NTM: variants seen among roughly 807,000 people sequenced by gnomAD.
The protein encoded by NTM is IgLON family member 2.
In NTM, 13 loss-of-function variants were observed where a neutral mutation model predicts 42.1. The observed-to-expected ratio is 0.31, with a 90% confidence interval of 0.20 to 0.49. NTM has a LOEUF of 0.49. Ranked by LOEUF, NTM falls within the 20% of genes least tolerant of loss-of-function variation. The probability of loss-of-function intolerance (pLI) is 0.99; values close to 1 mark genes in which losing one functional copy is unlikely to be tolerated. For synonymous variants in NTM, 187 were observed against 179.2 expected (o/e 1.04, Z -0.35); for missense variants, 373 against 452.8 (o/e 0.82, Z 1.60).
chr11:131,942,610 A>G (rs1444666255), intron 2 of NTM, among the ~76,000 whole-genome samples: 3 of 152,142 alleles, frequency 2.0e-5, no homozygotes, highest in African/African-American at 7.2e-5. Flanking sequence ...ATCCAGGAAG[A>G]TGATGCAGAA....
intron 1 of NTM, among the ~76,000 whole-genome samples, chr11:131,822,669 T>C (rs2093240646): frequency 6.6e-6 from 1 of 152,180 alleles, no homozygotes; most frequent in Admixed American, 6.5e-5. Context: ...ATGTAATGTG[T>C]TACTTTCGTG....
At chr11:131,928,824 C>T (rs2134058904) in intron 2 of NTM, among the ~76,000 whole-genome samples, 1 of 152,348 alleles carries the variant, frequency 6.6e-6, no homozygotes, top group South Asian at 2.1e-4. Flanking sequence ...CTTGCTTAGC[C>T]TGGTTGCATT....
rs1431963752 is a variant in NTM, at chr11:132,212,207, G to T, written c.526+60G>T. 5 of 1,473,604 alleles carry T rather than the reference G, an allele frequency of 3.4e-6. No homozygotes were observed. The African/African-American group carries it at 5.6e-5, about 17-fold the overall frequency. 91.3% of individuals were successfully genotyped at this position (1,473,604 alleles called of 1,614,324 possible). A position where few individuals can be genotyped will look rare whatever the true frequency, so the allele number is the denominator to read the frequency against. ...ATAAATGGGGGAATTTTGGGCCTTTGGTAGGAGGTTATGGGTGCTGATACC... is the reference window on the plus strand; with the variant it reads ...ATAAATGGGGGAATTTTGGGCCTTTTGTAGGAGGTTATGGGTGCTGATACC... On this transcript the variant is annotated intron_variant, in intron 4 of 8. Coordinates refer to ENST00000683400, the MANE Select transcript of NTM (RefSeq NM_001352005.2).
rs895063007 is a variant in NTM, at chr11:132,196,332, G to A, written c.401-15690G>A. Among the ~76,000 whole-genome samples the A allele has an allele frequency of 6.6e-5, 10 of 152,094 alleles. No individual in the cohort carries two copies. The East Asian group carries it at 1.2e-3, about 18-fold the overall frequency. On this transcript the variant is annotated intron_variant, in intron 3 of 8. Transcript: ENST00000683400. ...CAAAATTGTAGAGAAAAGGGAACAG[G>A]TTTACTCTGTTTGTTGGAATGTAAA...
chr11:132,079,680 C>T (rs1254066591), intron 2 of NTM, among the ~76,000 whole-genome samples: 2 of 152,308 alleles, frequency 1.3e-5, no homozygotes, highest in East Asian at 3.9e-4. Context: ...TTCTTGATGA[C>T]AATTGTGAAC....
chr11:131,756,816 C>T (rs759510918), intron 1 of NTM, among the ~76,000 whole-genome samples: 4 of 152,272 alleles, frequency 2.6e-5, no homozygotes, highest in Admixed American at 6.5e-5. Flanking sequence ...AACACATAGT[C>T]CTAGGGTACT....
At chr11:131,433,123 C>A (rs1382213257) in intron 1 of NTM, among the ~76,000 whole-genome samples, 1 of 152,086 alleles carries the variant, frequency 6.6e-6, no homozygotes, top group Non-Finnish European at 1.5e-5. Context: ...TCCCAAAGTG[C>A]TGGGATTACA....
intron 2 of NTM, among the ~76,000 whole-genome samples, chr11:132,021,093 G>T (rs2074264125): frequency 6.6e-6 from 1 of 151,782 alleles, no homozygotes; most frequent in Non-Finnish European, 1.5e-5. Flanking sequence ...TTCCAACTGG[G>T]TAATTTATAT....
At chr11:131,570,816 C>T (rs960037475) in intron 1 of NTM, among the ~76,000 whole-genome samples, 3 of 152,112 alleles carry the variant, frequency 2.0e-5, no homozygotes, top group Non-Finnish European at 4.4e-5. Context: ...AGGGAGACTC[C>T]GTCTCAAAAG....
At chr11:132,034,731 G>T (rs1341029598) in intron 2 of NTM, among the ~76,000 whole-genome samples, 1 of 152,182 alleles carries the variant, frequency 6.6e-6, no homozygotes, top group Non-Finnish European at 1.5e-5. Context: ...TGACCTCCCT[G>T]CTCCTGCAAT....
chr11:132,293,440 G>A (rs1352522476), intron 4 of NTM, among the ~76,000 whole-genome samples: 3 of 152,206 alleles, frequency 2.0e-5, no homozygotes, highest in Admixed American at 6.5e-5. Flanking sequence ...ATTGGATGCT[G>A]TCAGGGAGCG....
chr11:131,614,175 C>T (rs763049348), intron 1 of NTM, among the ~76,000 whole-genome samples: 60 of 152,148 alleles, frequency 3.9e-4, no homozygotes, highest in African/African-American at 9.2e-4. Context: ...CCTCCCTCAG[C>T]GGGAGCTCCC....
chr11:131,683,804 T>A (rs1223700160), intron 1 of NTM, among the ~76,000 whole-genome samples: 1 of 152,176 alleles, frequency 6.6e-6, no homozygotes, highest in Non-Finnish European at 1.5e-5. Flanking sequence ...TGGGGGGCAC[T>A]CTGGGTTGTC....
chr11:131,855,537 C>T (rs576820799), intron 1 of NTM, among the ~76,000 whole-genome samples: 1 of 152,328 alleles, frequency 6.6e-6, no homozygotes, highest in South Asian at 2.1e-4. Context: ...TTCTGCCTTT[C>T]CTTAAACTAC....
intron 1 of NTM, among the ~76,000 whole-genome samples, chr11:131,621,589 C>T (rs2137657225): frequency 7.1e-6 from 1 of 141,686 alleles, no homozygotes; most frequent in South Asian, 2.2e-4. Flanking sequence ...TGCTTGAGTC[C>T]AGGAGTTCAA....
chr11:132,177,868 G>A (rs1403617235), intron 3 of NTM, among the ~76,000 whole-genome samples: 1 of 152,176 alleles, frequency 6.6e-6, no homozygotes, highest in African/African-American at 2.4e-5. Flanking sequence ...ATTGCTTCAG[G>A]CAATGGATCA....
intron 1 of NTM, among the ~76,000 whole-genome samples, chr11:131,767,716 T>C (rs544355141): frequency 3.3e-5 from 5 of 152,156 alleles, no homozygotes; most frequent in African/African-American, 7.2e-5. Flanking sequence ...AGAAACAAAT[T>C]TGGGAAACAA....
At chr11:131,747,704 T>C (rs2081989660) in intron 1 of NTM, among the ~76,000 whole-genome samples, 1 of 152,184 alleles carries the variant, frequency 6.6e-6, no homozygotes, top group South Asian at 2.1e-4. Flanking sequence ...CATGACTTCT[T>C]AAATGTCTGC....
chr11:131,424,202 TCTCA>T (rs1198266802), intron 1 of NTM, among the ~76,000 whole-genome samples: 1 of 152,158 alleles, frequency 6.6e-6, no homozygotes, highest in Non-Finnish European at 1.5e-5. Flanking sequence ...ATTTCTGCTC[TCTCA>T]CTTATTTTAG....
Sources: gnomAD v4.1 joint callset for allele counts (sites outside exome capture counted in the v4.1 genomes callset) on GRCh38, gnomAD v4.1.1 for gene constraint, MANE v1.5 for transcripts, NCBI Gene and HGNC (gene_info 2026-07-23, HGNC 2026-07-21) for gene names.